Variants in MSRA observed in about 807,000 individuals in gnomAD.
The protein encoded by MSRA is mitochondrial peptide methionine sulfoxide reductase.
Under a neutral mutation model 31.3 loss-of-function variants are expected in MSRA, and 54 were observed. The ratio of observed to expected loss-of-function variants is 1.73; its 90% confidence interval spans 1.39 to 2.17. MSRA has a LOEUF of 2.17. Ranked by LOEUF, MSRA falls within the 30% of genes most tolerant of loss-of-function variation. The probability of loss-of-function intolerance (pLI) is 0.00; values close to 1 mark genes in which losing one functional copy is unlikely to be tolerated. For missense variants in MSRA, 507 were observed against 300.9 expected, an observed-to-expected ratio of 1.69 and a Z score of -5.07; for synonymous variants, 169 against 116.5, an observed-to-expected ratio of 1.45 and a Z score of -2.90.
intron 1 of MSRA, among the ~76,000 whole-genome samples, chr8:10,188,881 G>A (rs1322906018): frequency 6.6e-6 from 1 of 152,288 alleles, no homozygotes; most frequent in East Asian, 1.9e-4. Context: ...TTAAACTTTA[G>A]AGTCAATTCA....
chr8:10,238,606 C>A (rs571468758), intron 2 of MSRA, among the ~76,000 whole-genome samples: 1 of 152,146 alleles, frequency 6.6e-6, no homozygotes, highest in Non-Finnish European at 1.5e-5. Context: ...AGCCCAGAAA[C>A]GGGACTACTT....
intron 3 of MSRA, among the ~76,000 whole-genome samples, chr8:10,257,510 G>A (rs773172734): frequency 1.8e-4 from 28 of 152,258 alleles, no homozygotes; most frequent in Admixed American, 5.9e-4. Context: ...TGGCTCAAGC[G>A]ATTCTCCTGC....
intron 5 of MSRA, among the ~76,000 whole-genome samples, chr8:10,391,398 G>A (rs1174899035): frequency 6.6e-6 from 1 of 152,206 alleles, no homozygotes; most frequent in African/African-American, 2.4e-5. Context: ...GAGGCACTGT[G>A]ATGTGTATGA....
intron 5 of MSRA, among the ~76,000 whole-genome samples, chr8:10,342,375 A>G (rs909504039): frequency 1.3e-5 from 2 of 152,238 alleles, no homozygotes; most frequent in Admixed American, 1.3e-4. Flanking sequence ...TGTTGATGTC[A>G]TCACACTCCG....
At chr8:10,357,042 C>T (rs1267177071) in intron 5 of MSRA, among the ~76,000 whole-genome samples, 1 of 152,020 alleles carries the variant, frequency 6.6e-6, no homozygotes, top group Admixed American at 6.6e-5. Context: ...TTTGTATTTC[C>T]TGAACATTGG....
chr8:10,248,411 C>G (rs1797735964), intron 3 of MSRA, among the ~76,000 whole-genome samples: 1 of 152,148 alleles, frequency 6.6e-6, no homozygotes, highest in South Asian at 2.1e-4. Flanking sequence ...TTTACCACCG[C>G]TCTGTGCAAC....
chr8:10,141,683 C>A (rs776817869), intron 1 of MSRA, among the ~76,000 whole-genome samples: 1 of 151,628 alleles, frequency 6.6e-6, no homozygotes, highest in African/African-American at 2.4e-5. Flanking sequence ...TAAATGGGAC[C>A]AGAGTGAAGG....
chr8:10,269,093 A>C (rs1030422540), intron 3 of MSRA, among the ~76,000 whole-genome samples: 8 of 152,248 alleles, frequency 5.3e-5, no homozygotes, highest in African/African-American at 1.9e-4. Flanking sequence ...GGCAGTTGAA[A>C]ATAGAGTTCT....
chr8:10,412,888 A>T (rs532220612), intron 5 of MSRA, among the ~76,000 whole-genome samples: 1 of 152,204 alleles, frequency 6.6e-6, no homozygotes, highest in Non-Finnish European at 1.5e-5. Context: ...GGGGAGCACA[A>T]AGTGGCATGA....
At chr8:10,266,830 A>G (rs1290110892) in intron 3 of MSRA, among the ~76,000 whole-genome samples, 3 of 152,340 alleles carry the variant, frequency 2.0e-5, no homozygotes, top group South Asian at 2.1e-4. Context: ...TTACCCACCG[A>G]TGGTGACAGA....
intron 4 of MSRA, among the ~76,000 whole-genome samples, chr8:10,305,333 G>A (rs1801069547): frequency 6.6e-6 from 1 of 151,552 alleles, no homozygotes; most frequent in South Asian, 2.1e-4. Flanking sequence ...GTTCTTTCCT[G>A]CTTCAAGGTG....
chr8:10,303,752 G>A lies in MSRA; in HGVS notation c.436+2114G>A, dbSNP rs138917029. On this transcript the variant is annotated intron_variant, in intron 4 of 5. Coordinates refer to ENST00000317173, the MANE Select transcript of MSRA (RefSeq NM_012331.5). ...AGGGCAGGGGATGATGGTTAGTTAA[G>A]GGTAGGGCGAGAGATCCTCCGTCAG... Among the ~76,000 whole-genome samples, 1,429 of 152,260 alleles carry A rather than the reference G, an allele frequency of 9.4e-3. 23 individuals carry two copies. Among genetic ancestry groups the A allele is most frequent in the African/African-American group, 0.032 (1,320 of 41,534 alleles).
intron 1 of MSRA, among the ~76,000 whole-genome samples, chr8:10,059,914 A>G (rs1345927593): frequency 6.6e-6 from 1 of 152,174 alleles, no homozygotes; most frequent in African/African-American, 2.4e-5. Flanking sequence ...TGCAAATACC[A>G]TTTTTCATGT....
chr8:10,072,488 A>T (rs1014677173), intron 1 of MSRA, among the ~76,000 whole-genome samples: 4 of 152,084 alleles, frequency 2.6e-5, no homozygotes, highest in Non-Finnish European at 4.4e-5. Flanking sequence ...TGACATTGTC[A>T]TGCTGTCTTG....
chr8:10,233,636 G>A (rs1039365709), intron 2 of MSRA, among the ~76,000 whole-genome samples: 13 of 152,180 alleles, frequency 8.5e-5, no homozygotes, highest in African/African-American at 3.1e-4. Flanking sequence ...TGCACATAGA[G>A]CAGGAAAAAG....
intron 2 of MSRA, among the ~76,000 whole-genome samples, chr8:10,210,009 A>G (rs1809331466): frequency 6.6e-6 from 1 of 152,178 alleles, no homozygotes; most frequent in Non-Finnish European, 1.5e-5. Flanking sequence ...TTTTATATTA[A>G]TGTCTTCAAG....
At chr8:10,087,979 A>G (rs1390618611) in intron 1 of MSRA, among the ~76,000 whole-genome samples, 1 of 152,224 alleles carries the variant, frequency 6.6e-6, no homozygotes, top group Non-Finnish European at 1.5e-5. Flanking sequence ...CAAATACTTC[A>G]GTTAATGCAG....
chr8:10,369,199 A>G (rs1563402498), intron 5 of MSRA, among the ~76,000 whole-genome samples: 1 of 152,224 alleles, frequency 6.6e-6, no homozygotes, highest in Non-Finnish European at 1.5e-5. Context: ...ATTAAAAACT[A>G]AAGTGACCTT....
intron 1 of MSRA, among the ~76,000 whole-genome samples, chr8:10,203,706 G>C (rs1198299506): frequency 2.6e-5 from 4 of 152,092 alleles, no homozygotes; most frequent in Admixed American, 2.0e-4. Context: ...TATACTTTTT[G>C]TCCTTATTTT....
Sources: gnomAD v4.1 joint callset for allele counts (sites outside exome capture counted in the v4.1 genomes callset) on GRCh38, gnomAD v4.1.1 for gene constraint, MANE v1.5 for transcripts, NCBI Gene and HGNC (gene_info 2026-07-23, HGNC 2026-07-21) for gene names.